The following RGL1 variants were observed in gnomAD, a reference collection of about 807,000 sequenced individuals.
RGL1 encodes ral guanine nucleotide dissociation stimulator-like 1.
A neutral mutation model predicts 95.2 loss-of-function variants in RGL1; 24 were observed. The ratio of observed to expected loss-of-function variants is 0.25; its 90% CI spans 0.18 to 0.35. The LOEUF is 0.35. Among genes scored for constraint, RGL1 ranks in the 10% least tolerant of loss-of-function variants. RGL1 has a pLI of 1.00. For synonymous variants in RGL1, 329 were observed against 344.9 expected (o/e 0.95, Z 0.51); for missense variants, 715 against 936.3 (o/e 0.76, Z 3.08).
intron 2 of RGL1, among the ~76,000 whole-genome samples, chr1:183,760,568 C>CAAAAAAA (rs58715145): frequency 1.6e-4 from 8 of 50,730 alleles, no homozygotes; most frequent in African/African-American, 4.0e-4. Flanking sequence ...CCAGTCTCTG[C>CAAAAAAA]AAAAAAAAAA....
chr1:183,776,444 G>A (rs10157939), intron 2 of RGL1, among the ~76,000 whole-genome samples: 4 of 151,910 alleles, frequency 2.6e-5, no homozygotes, highest in Non-Finnish European at 5.9e-5. Context: ...CACCGCGCCC[G>A]GCCAGATTTT....
At chr1:183,922,757 C>T (rs1553307775) in intron 17 of RGL1, among the ~76,000 whole-genome samples, 3 of 152,142 alleles carry the variant, frequency 2.0e-5, no homozygotes, top group Non-Finnish European at 2.9e-5. Flanking sequence ...GTAATAATTT[C>T]TCATCATTTC....
At chr1:183,706,462 C>T (rs542523463) in intron 1 of RGL1, among the ~76,000 whole-genome samples, 14 of 152,324 alleles carry the variant, frequency 9.2e-5, no homozygotes, top group African/African-American at 3.4e-4. Flanking sequence ...TTCCAGGGCA[C>T]TGTCAGTCTT....
At chr1:183,648,660 G>C (rs182486585) in intron 1 of RGL1, 1 of 1,614,218 alleles carries the variant, frequency 6.2e-7, no homozygotes. Context: ...GGAAACTCTT[G>C]CTTCTTCACC....
chr1:183,696,895 C>G (rs1654284671), intron 1 of RGL1, among the ~76,000 whole-genome samples: 1 of 152,176 alleles, frequency 6.6e-6, no homozygotes, highest in Non-Finnish European at 1.5e-5. Context: ...ACCACCCTGA[C>G]CTAAGCCACA....
chr1:183,896,678 A>G (rs1235766100), intron 9 of RGL1, among the ~76,000 whole-genome samples: 1 of 152,182 alleles, frequency 6.6e-6, no homozygotes, highest in Non-Finnish European at 1.5e-5. Flanking sequence ...GAATTGTGCA[A>G]TTTACCCCCC....
chr1:183,915,712 C>A (rs904967295), intron 15 of RGL1, among the ~76,000 whole-genome samples: 2 of 152,184 alleles, frequency 1.3e-5, no homozygotes, highest in Non-Finnish European at 2.9e-5. Flanking sequence ...TCATGATAAG[C>A]CTCACAGTAC....
At chr1:183,677,825 A>G (rs1652936080) in intron 1 of RGL1, among the ~76,000 whole-genome samples, 1 of 152,154 alleles carries the variant, frequency 6.6e-6, no homozygotes, top group Admixed American at 6.6e-5. Context: ...CAAGGTTGTC[A>G]CGTAGGTAGT....
chr1:183,813,114 G>C (rs948410348), intron 2 of RGL1, among the ~76,000 whole-genome samples: 1 of 152,164 alleles, frequency 6.6e-6, no homozygotes, highest in African/African-American at 2.4e-5. Flanking sequence ...TTCTTTAGTG[G>C]TAATGAAGTG....
At chr1:183,747,823 T>G (rs1249165672) in intron 2 of RGL1, among the ~76,000 whole-genome samples, 1 of 152,226 alleles carries the variant, frequency 6.6e-6, no homozygotes, top group African/African-American at 2.4e-5. Flanking sequence ...TGCCAGGTGT[T>G]GGTATCAGGG....
At chr1:183,906,388 T>C (rs1187484679) in intron 13 of RGL1, among the ~76,000 whole-genome samples, 2 of 152,068 alleles carry the variant, frequency 1.3e-5, no homozygotes, top group Non-Finnish European at 2.9e-5. Flanking sequence ...CATTTTTAAT[T>C]TAGGAAGTTT....
At chr1:183,846,477 C>T (rs1343823048) in intron 2 of RGL1, among the ~76,000 whole-genome samples, 1 of 151,738 alleles carries the variant, frequency 6.6e-6, no homozygotes, top group East Asian at 1.9e-4. Flanking sequence ...AACAAACCAC[C>T]ATGGCATGTG....
At chr1:183,876,485 G>A (rs142665744) in intron 4 of RGL1, among the ~76,000 whole-genome samples, 146 of 152,346 alleles carry the variant, frequency 9.6e-4, no homozygotes, top group East Asian at 4.4e-3. Context: ...TTAGGACCGA[G>A]GAGTTTTGTT....
chr1:183,892,693 A>G (rs1253478296), intron 9 of RGL1, among the ~76,000 whole-genome samples: 1 of 152,210 alleles, frequency 6.6e-6, no homozygotes, highest in Admixed American at 6.5e-5. Context: ...AATGCCTAAT[A>G]TTTGTAAAGC....
intron 14 of RGL1, among the ~76,000 whole-genome samples, chr1:183,909,410 A>G (rs1668522119): frequency 6.6e-6 from 1 of 152,220 alleles, no homozygotes; most frequent in African/African-American, 2.4e-5. Flanking sequence ...TGAATTGTAG[A>G]AATGGAAGAA....
At chr1:183,728,712 A>G (rs1413953837) in intron 1 of RGL1, among the ~76,000 whole-genome samples, 1 of 152,202 alleles carries the variant, frequency 6.6e-6, no homozygotes, top group African/African-American at 2.4e-5. Context: ...AAGTTAGAAC[A>G]CTTAAACTTA....
chr1:183,853,637 A>G (rs1442162038), intron 3 of RGL1, among the ~76,000 whole-genome samples: 1 of 152,158 alleles, frequency 6.6e-6, no homozygotes, highest in African/African-American at 2.4e-5. Context: ...TTTGCTTGCC[A>G]TGTGTTTTCA....
chr1:183,643,561 G>GA (rs751484967), intron 1 of RGL1, among the ~76,000 whole-genome samples: 204 of 152,236 alleles, frequency 1.3e-3, no homozygotes, highest in Middle Eastern at 3.4e-3. Context: ...AAAGTGCTGG[G>GA]ATTACAGGCG....
At chr1:183,861,717 G>C (rs1353152806) in intron 3 of RGL1, among the ~76,000 whole-genome samples, 1 of 152,214 alleles carries the variant, frequency 6.6e-6, no homozygotes, top group African/African-American at 2.4e-5. Flanking sequence ...CTTCTTAAGA[G>C]GTTGGAGCTT....
Sources: allele counts gnomAD v4.1 joint callset (sites outside exome capture counted in the v4.1 genomes callset), GRCh38; gene constraint gnomAD v4.1.1; transcripts MANE v1.5; gene names NCBI Gene and HGNC (gene_info 2026-07-23, HGNC 2026-07-21).